The following RBMS3 variants were observed in gnomAD, a reference collection of about 807,000 sequenced individuals.
The protein encoded by RBMS3 is RNA-binding motif, single-stranded-interacting protein 3.
RBMS3 carries 27 observed loss-of-function variants against 66.8 expected under a neutral mutation model. That is an observed-to-expected ratio of 0.40 (90% CI 0.30 to 0.56). The LOEUF is 0.56. RBMS3 is among the 20% of genes least tolerant of loss of function. The pLI, the probability that RBMS3 is intolerant of heterozygous loss-of-function variation, is 0.40. For missense variants in RBMS3, 513 were observed against 549.5 expected (o/e 0.93, Z 0.66); for synonymous variants, 188 against 183.0 (o/e 1.03, Z -0.22).
At chr3:29,802,200 T>C (rs55716602) in intron 6 of RBMS3, among the ~76,000 whole-genome samples, 2 of 152,142 alleles carry the variant, frequency 1.3e-5, no homozygotes, top group Non-Finnish European at 2.9e-5. Context: ...GAATATCAGA[T>C]TAAGGATCAG....
At chr3:29,874,321 A>G (rs542597370) in intron 7 of RBMS3, among the ~76,000 whole-genome samples, 1 of 152,296 alleles carries the variant, frequency 6.6e-6, no homozygotes, top group South Asian at 2.1e-4. Flanking sequence ...CCTAGAAAAT[A>G]GTATATCTAA....
Position 29,597,468 on chromosome 3 carries a change from G to T in RBMS3, c.399+10263G>T, listed in dbSNP as rs138217422. Among the ~76,000 whole-genome samples, 424 of 152,244 alleles carry T rather than the reference G, an allele frequency of 2.8e-3. 4 individuals are homozygous for T. The highest frequency in any genetic ancestry group is 9.7e-3 in the African/African-American group (403 of 41,560). ...ACACAAAAACAAAACAGAAATGTGA[G>T]TGTTGTGAAAAAGAAGGCAGCATAC... On this transcript the variant is annotated intron_variant, in intron 4 of 14. Coordinates refer to ENST00000383767, the MANE Select transcript of RBMS3 (RefSeq NM_001003793.3).
chr3:29,530,686 G>A (rs1276377262), intron 3 of RBMS3, among the ~76,000 whole-genome samples: 2 of 143,346 alleles, frequency 1.4e-5, no homozygotes, highest in African/African-American at 2.6e-5. Context: ...ATGGTGAAAC[G>A]CCATCTCTAC....
chr3:29,357,171 T>C (rs1405869535), intron 1 of RBMS3, among the ~76,000 whole-genome samples: 1 of 152,132 alleles, frequency 6.6e-6, no homozygotes, highest in Non-Finnish European at 1.5e-5. Flanking sequence ...TTACATTAGG[T>C]ATATCTCCTA....
intron 3 of RBMS3, among the ~76,000 whole-genome samples, chr3:29,526,944 G>T (rs1268814269): frequency 1.3e-5 from 2 of 151,620 alleles, no homozygotes; most frequent in African/African-American, 4.9e-5. Flanking sequence ...GCTTTGCCTG[G>T]CTTCCAAACT....
chr3:29,965,720 C>A lies in RBMS3; in HGVS notation c.1098+21466C>A, dbSNP rs77247405. 2.3e-3 allele frequency among the ~76,000 whole-genome samples: 345 copies of A among 152,208 alleles called. 1 individual carries two copies. Among genetic ancestry groups the A allele is most frequent in the African/African-American group, 7.8e-3 (326 of 41,536 alleles). ...GACTGTTCCTTTTTCTGTACAAAAG[C>A]ATCTTAGTTTAATTAAGCCCAAAAA... On this transcript the variant is annotated intron_variant, in intron 12 of 14. Coordinates refer to ENST00000383767, the MANE Select transcript of RBMS3 (RefSeq NM_001003793.3).
Position 29,578,790 on chromosome 3 carries a change from C to CTTTTTTTTTTTTTTT in RBMS3, c.308-8316_308-8302dup, listed in dbSNP as rs1185861167. Among the ~76,000 whole-genome samples the CTTTTTTTTTTTTTTT allele has an allele frequency of 5.4e-4, 55 of 101,056 alleles. 2 individuals are homozygous for CTTTTTTTTTTTTTTT. The highest frequency in any genetic ancestry group is 1.2e-3 in the African/African-American group (27 of 22,046). 66.3% of individuals were successfully genotyped at this position (101,056 alleles called of 152,430 possible). A position where few individuals can be genotyped will look rare whatever the true frequency, so the allele number is the denominator to read the frequency against. ...AAAGAATCACAGGTAATACATGCTT[C>CTTTTTTTTTTTTTTT]TTTTTTTTTTTTTTTTTTTTTTGAG... On this transcript the variant is annotated intron_variant, in intron 3 of 14. Transcript: ENST00000383767.
chr3:29,776,012 T>G (rs4610189), intron 6 of RBMS3, among the ~76,000 whole-genome samples: 92,152 of 151,744 alleles, frequency 0.61, 28,192 homozygotes, highest in East Asian at 0.84. Flanking sequence ...ATAGATAAAA[T>G]AATTTAAGAT....
chr3:29,654,528 G>A (rs2050254715), intron 4 of RBMS3, among the ~76,000 whole-genome samples: 2 of 42,546 alleles, frequency 4.7e-5, no homozygotes, highest in African/African-American at 2.0e-4. Flanking sequence ...ATTCGTGTGT[G>A]TGTGTGTGTG....
At chr3:29,364,715 T>C (rs1397405125) in intron 1 of RBMS3, among the ~76,000 whole-genome samples, 3 of 152,200 alleles carry the variant, frequency 2.0e-5, no homozygotes, top group Non-Finnish European at 4.4e-5. Context: ...GATGTGTGTC[T>C]CCTGGTGAGA....
chr3:29,865,106 G>GGAAGGA (rs2059325310), intron 6 of RBMS3, among the ~76,000 whole-genome samples: 12 of 127,208 alleles, frequency 9.4e-5, no homozygotes, highest in African/African-American at 3.3e-4. Context: ...GGGAGGGAGG[G>GGAAGGA]AGGAAGGAAG....
At chr3:29,360,631 A>C (rs146688565) in intron 1 of RBMS3, among the ~76,000 whole-genome samples, 1,586 of 152,046 alleles carry the variant, frequency 0.01, 57 homozygotes, top group African/African-American at 0.036. Context: ...TGATCTGTCT[A>C]ATGTTGACAG....
chr3:29,346,131 G>A (rs990050471), intron 1 of RBMS3, among the ~76,000 whole-genome samples: 1 of 152,226 alleles, frequency 6.6e-6, no homozygotes, highest in Middle Eastern at 3.4e-3. Context: ...ACTGGAGTTG[G>A]CCCATATTGA....
At chr3:29,760,521 G>A (rs2055632793) in intron 5 of RBMS3, among the ~76,000 whole-genome samples, 1 of 151,860 alleles carries the variant, frequency 6.6e-6, no homozygotes, top group South Asian at 2.1e-4. Flanking sequence ...AGTAATTAAG[G>A]GCTTACATTT....
At chr3:29,717,708 TCTTA>T (rs767061815) in intron 4 of RBMS3, among the ~76,000 whole-genome samples, 14 of 152,170 alleles carry the variant, frequency 9.2e-5, no homozygotes, top group Non-Finnish European at 1.2e-4. Context: ...CTTAAAATTC[TCTTA>T]CTTACCTCGT....
intron 1 of RBMS3, among the ~76,000 whole-genome samples, chr3:29,343,098 A>C (rs1418097634): frequency 2.6e-5 from 4 of 152,186 alleles, no homozygotes; most frequent in Admixed American, 2.6e-4. Flanking sequence ...AACTCAATTC[A>C]GTAATATGTT....
intron 4 of RBMS3, among the ~76,000 whole-genome samples, chr3:29,708,510 C>A (rs533096235): frequency 6.6e-6 from 1 of 152,264 alleles, no homozygotes; most frequent in South Asian, 2.1e-4. Context: ...TTGTAAGAAA[C>A]AAATTGTTTT....
intron 1 of RBMS3, among the ~76,000 whole-genome samples, chr3:29,345,146 G>C (rs1210655011): frequency 1.3e-5 from 2 of 152,196 alleles, no homozygotes; most frequent in Admixed American, 6.5e-5. Context: ...GTGAGCTATT[G>C]ACTGGGGTCC....
chr3:29,682,444 T>C (rs7644506), intron 4 of RBMS3, among the ~76,000 whole-genome samples: 94,252 of 152,162 alleles, frequency 0.62, 29,738 homozygotes, highest in African/African-American at 0.74. Context: ...TGAACCACCA[T>C]GCCCGGCTAG....
Sources: allele counts gnomAD v4.1 joint callset (sites outside exome capture counted in the v4.1 genomes callset), GRCh38; gene constraint gnomAD v4.1.1; transcripts MANE v1.5; gene names NCBI Gene and HGNC (gene_info 2026-07-23, HGNC 2026-07-21).